The following NTRK3 variants were observed in gnomAD, a reference collection of about 807,000 sequenced individuals.
NTRK3 encodes the protein neurotrophic receptor tyrosine kinase 3, also known as NT-3 growth factor receptor.
In NTRK3, 24 loss-of-function variants were observed where a neutral mutation model predicts 91.7. The observed-to-expected ratio is 0.26, with a 90% CI of 0.19 to 0.37. The LOEUF (loss-of-function observed/expected upper bound fraction) is 0.37. Among genes scored for constraint, NTRK3 ranks in the 10% least tolerant of loss-of-function variants. The probability of loss-of-function intolerance (pLI) is 1.00; values close to 1 mark genes in which losing one functional copy is unlikely to be tolerated. For missense variants in NTRK3, 880 were observed against 1,068.9 expected (o/e 0.82, Z 2.46); for synonymous variants, 483 against 404.0 (o/e 1.20, Z -2.34).
At position 87,950,284 on chromosome 15, in the gene NTRK3, C is replaced by T. The variant is rs577077778; in HGVS notation, c.1586-9531G>A. 1.1e-4 allele frequency among the ~76,000 whole-genome samples: 16 copies of T among 152,280 alleles called. No individual in the cohort carries two copies. In the East Asian group the frequency reaches 1.5e-3, roughly 15 times the overall value. ...CACCTGTGAGGACCACAGGGTGAAC[C>T]GTAGAAGGGGAGACCAGAGGATCCC... On this transcript the variant is annotated intron_variant, in intron 14 of 18. Coordinates refer to ENST00000394480, the Ensembl canonical transcript of NTRK3.
At chr15:88,248,717 A>T (rs974641553) in intron 3 of NTRK3, among the ~76,000 whole-genome samples, 3 of 152,162 alleles carry the variant, frequency 2.0e-5, no homozygotes, top group African/African-American at 7.2e-5. Flanking sequence ...GGCTAATAAT[A>T]GTACTTATCT....
chr15:88,177,801 AT>A (rs1276824379), intron 5 of NTRK3, among the ~76,000 whole-genome samples: 4 of 152,242 alleles, frequency 2.6e-5, no homozygotes, highest in Non-Finnish European at 5.9e-5. Flanking sequence ...GGAGACCAAC[AT>A]GTGTTGGGAG....
At chr15:88,183,715 A>G (rs2046717874) in intron 4 of NTRK3, among the ~76,000 whole-genome samples, 1 of 152,180 alleles carries the variant, frequency 6.6e-6, no homozygotes, top group Non-Finnish European at 1.5e-5. Context: ...GTCAGGGGTC[A>G]TACTGGCAGC....
chr15:88,041,280 G>C (rs1036321964), intron 13 of NTRK3, among the ~76,000 whole-genome samples: 4 of 152,150 alleles, frequency 2.6e-5, no homozygotes, highest in African/African-American at 9.7e-5. Context: ...ATCGATTCCT[G>C]TACTCCTTCC....
chr15:88,114,797 C>T, intron 13 of NTRK3, among the ~76,000 whole-genome samples: 1 of 152,164 alleles, frequency 6.6e-6, no homozygotes. Flanking sequence ...ATCTTTTATA[C>T]TATTAGGTTT....
intron 14 of NTRK3, among the ~76,000 whole-genome samples, chr15:87,997,799 G>A (rs1392611754): frequency 6.6e-6 from 1 of 152,062 alleles, no homozygotes; most frequent in African/African-American, 2.4e-5. Flanking sequence ...TGCCCCTTTT[G>A]GACACTTGTA....
At chr15:88,217,603 A>T (rs1205289337) in intron 3 of NTRK3, among the ~76,000 whole-genome samples, 1 of 152,152 alleles carries the variant, frequency 6.6e-6, no homozygotes, top group African/African-American at 2.4e-5. Flanking sequence ...GAATGGGGAA[A>T]TGAGGAAGAG....
chr15:88,015,880 A>G (rs970636194), intron 14 of NTRK3, among the ~76,000 whole-genome samples: 2 of 152,064 alleles, frequency 1.3e-5, no homozygotes, highest in Non-Finnish European at 2.9e-5. Context: ...CCAGCTCTAC[A>G]GCGGCTCCAA....
At chr15:87,866,082 G>T (rs16940930) in exon 19 of NTRK3, 1 of 229,198 alleles carries the variant, frequency 4.4e-6, no homozygotes, top group African/African-American at 2.2e-5. Flanking sequence ...ATCTCATTTA[G>T]GGCTCAAATA....
At chr15:88,093,636 G>T (rs1416398086) in intron 13 of NTRK3, among the ~76,000 whole-genome samples, 1 of 152,152 alleles carries the variant, frequency 6.6e-6, no homozygotes, top group Non-Finnish European at 1.5e-5. Flanking sequence ...CCTGATCATT[G>T]TTATGAAGAA....
intron 13 of NTRK3, among the ~76,000 whole-genome samples, chr15:88,091,084 G>A (rs753473355): frequency 5.3e-5 from 8 of 152,218 alleles, no homozygotes; most frequent in African/African-American, 7.2e-5. Context: ...GGGGAGTGGA[G>A]CGGCTGACCT....
chr15:87,931,762 C>T (rs1173204543), intron 16 of NTRK3, among the ~76,000 whole-genome samples: 1 of 152,192 alleles, frequency 6.6e-6, no homozygotes, highest in Non-Finnish European at 1.5e-5. Context: ...TCCTCCATTC[C>T]ATTGCCTGGT....
At chr15:88,083,718 G>C (rs976511395) in intron 13 of NTRK3, among the ~76,000 whole-genome samples, 2 of 152,184 alleles carry the variant, frequency 1.3e-5, no homozygotes, top group Non-Finnish European at 2.9e-5. Flanking sequence ...ATGTTGGCCT[G>C]TTCCCCCATT....
intron 17 of NTRK3, among the ~76,000 whole-genome samples, chr15:87,912,934 ATATATATATATAT>A (rs2067196128): frequency 4.1e-4 from 9 of 21,730 alleles, no homozygotes; most frequent in Admixed American, 2.3e-3. Flanking sequence ...AAAAAAAAAT[ATATATATATATAT>A]ATATATATAT....
At chr15:88,184,769 G>T (rs1159359603) in intron 3 of NTRK3, among the ~76,000 whole-genome samples, 1 of 152,188 alleles carries the variant, frequency 6.6e-6, no homozygotes, top group Non-Finnish European at 1.5e-5. Flanking sequence ...AGTGGGCATA[G>T]CCAAGGAGGG....
chr15:88,222,430 C>T (rs535297524), intron 3 of NTRK3, among the ~76,000 whole-genome samples: 34 of 152,340 alleles, frequency 2.2e-4, no homozygotes, highest in Middle Eastern at 3.4e-3. Flanking sequence ...CCACAGTTTA[C>T]GTTCCTAACC....
chr15:87,979,440 G>C (rs1298389501), intron 14 of NTRK3: 1 of 1,610,140 alleles, frequency 6.2e-7, no homozygotes, highest in Non-Finnish European at 8.5e-7. Flanking sequence ...AGGCTTATTG[G>C]ATTCAACATA....
rs1222692252 is a variant in NTRK3, at chr15:87,879,020, G to T, written c.2292+1250C>A. ...TAAACACCATAACAAATGGGTTCTA[G>T]TATATATACTTTCATTATTTTAAAA... On this transcript the variant is annotated intron_variant, in intron 18 of 18. Transcript: ENST00000394480. Among the ~76,000 whole-genome samples the T allele has an allele frequency of 1.3e-5, 2 of 151,070 alleles. 1 individual carries two copies. The highest frequency in any genetic ancestry group is 2.9e-5 in the Non-Finnish European group (2 of 67,842).
chr15:88,044,234 G>A (rs1159916263), intron 13 of NTRK3, among the ~76,000 whole-genome samples: 2 of 150,698 alleles, frequency 1.3e-5, no homozygotes, highest in Non-Finnish European at 1.5e-5. Context: ...CTGGAGCTGT[G>A]GGATTCCCAA....
Sources: allele counts gnomAD v4.1 joint callset (sites outside exome capture counted in the v4.1 genomes callset), GRCh38; gene constraint gnomAD v4.1.1; transcripts MANE v1.5; gene names NCBI Gene and HGNC (gene_info 2026-07-23, HGNC 2026-07-21).